The following NUP98 variants were observed in gnomAD, a reference collection of about 807,000 sequenced individuals.
NUP98 encodes nuclear pore complex protein Nup98-Nup96.
A neutral mutation model predicts 191.9 loss-of-function variants in NUP98; 26 were observed. The observed-to-expected ratio is 0.14, with a 90% CI of 0.10 to 0.19. The LOEUF (loss-of-function observed/expected upper bound fraction) is 0.19, where lower values mean the gene tolerates loss of function less well. Among genes scored for constraint, NUP98 ranks in the 10% least tolerant of loss-of-function variants. The pLI, the probability that NUP98 is intolerant of heterozygous loss-of-function variation, is 1.00. For missense variants in NUP98, 1,941 were observed against 2,178.8 expected, an observed-to-expected ratio of 0.89 and a Z score of 2.17; for synonymous variants, 808 against 778.4, an observed-to-expected ratio of 1.04 and a Z score of -0.63.
At chr11:3,710,278 T>C (rs1223062379) in intron 20 of NUP98, among the ~76,000 whole-genome samples, 1 of 152,188 alleles carries the variant, frequency 6.6e-6, no homozygotes, top group African/African-American at 2.4e-5. Context: ...ACTACCTTAA[T>C]TCATCTCTGT....
chr11:3,685,974 C>G lies in NUP98; in HGVS notation c.4675G>C (p.Gly1559Arg), dbSNP rs765934118. 4 of 1,613,380 alleles carry G rather than the reference C, an allele frequency of 2.5e-6. No individual in the cohort carries two copies. The African/African-American group carries it at 5.3e-5, about 22-fold the overall frequency. Residue 1559 changes from glycine to arginine, a missense_variant and splice_region_variant, in exon 29 of 33, where the codon GGC (glycine) becomes CGC (arginine). Physicochemically the swap from Gly to Arg is moderately radical, Grantham distance 125 (BLOSUM62 -2). Around this residue, in one of 6 missense-constraint regions of NUP98, gnomAD observed 1,030 missense variants for 1,115.8 expected, o/e 0.92. Transcript: ENST00000324932. Reference protein sequence around the residue: ...IFVLLHIDNSGIREKAVRELL... With the variant: ...IFVLLHIDNSRIREKAVRELL... The stretch of plus-strand genomic sequence containing the variant: ...TGGGTTCAACGGCTTCTCACTCACC[C>G]TGAGTTGTCAATGTGCAGGAGGACA...
chr11:3,788,838 T>A (rs2082235143), intron 1 of NUP98, among the ~76,000 whole-genome samples: 1 of 151,898 alleles, frequency 6.6e-6, no homozygotes, highest in Non-Finnish European at 1.5e-5. Context: ...TCCCAGCTAT[T>A]CGGGAGGCTG....
At chr11:3,750,088 T>C (rs1473322599) in intron 11 of NUP98, among the ~76,000 whole-genome samples, 5 of 152,216 alleles carry the variant, frequency 3.3e-5, no homozygotes, top group South Asian at 2.1e-4. Context: ...TGTTAAATAA[T>C]GGTATATGTA....
At chr11:3,687,582 G>C (rs544589549) in intron 28 of NUP98, among the ~76,000 whole-genome samples, 3 of 152,292 alleles carry the variant, frequency 2.0e-5, no homozygotes, top group Admixed American at 1.3e-4. Context: ...AATGAGGCCA[G>C]AAGGTGGTTC....
chr11:3,744,474 A>T (rs2080412689), intron 12 of NUP98, 35 bp downstream of exon 12: 2 of 1,570,536 alleles, frequency 1.3e-6, no homozygotes, highest in African/African-American at 1.4e-5. Context: ...TTAGCAAAAA[A>T]TTAAGAAAAG....
At chr11:3,760,935 A>G (rs557374582) in intron 9 of NUP98, among the ~76,000 whole-genome samples, 30 of 152,358 alleles carry the variant, frequency 2.0e-4, no homozygotes, top group African/African-American at 6.7e-4. Context: ...AGGCCATCAA[A>G]TATCTTTTTA....
chr11:3,676,567 C>T lies in NUP98; in HGVS notation c.5127G>A (p.Leu1709=), dbSNP rs751934334. ...LEQLHIKVTS[L]CSRIEQIQCY... is the part of the protein sequence containing the mutation. Reference sequence around the variant, plus strand: ...ACTGAATCTGCTCTATCCGACTGCACAGTGAAGTCACTTTGATGTGTAACT... The same window carrying T: ...ACTGAATCTGCTCTATCCGACTGCATAGTGAAGTCACTTTGATGTGTAACT... The change falls in exon 32 of 33, where the codon CTG becomes CTA. Residue 1709 remains leucine (L), a synonymous_variant. Coordinates refer to ENST00000324932, the MANE Select transcript of NUP98 (RefSeq NM_016320.5). 29 of 1,614,080 alleles carry T rather than the reference C, an allele frequency of 1.8e-5. No individual in the cohort carries two copies. The East Asian group carries it at 5.3e-4, about 30-fold the overall frequency.
rs112420830 is a variant in NUP98 at position 3,753,190 on chromosome 11, G to A, written c.1267+126C>T. ...TAACTGCTGGGAATGTCTTATAAAC[G>A]CAACTGGAAAAACGAAAAGGTAGAC... On this transcript the variant is annotated intron_variant, in intron 11 of 32. Coordinates refer to ENST00000324932, the MANE Select transcript of NUP98 (RefSeq NM_016320.5). 1.2e-4 allele frequency: 93 copies of A among 771,878 alleles called. 2 individuals carry two copies. The highest frequency in any genetic ancestry group is 8.6e-4 in the African/African-American group (49 of 57,008). The allele number at this position is 771,878 out of a possible 1,614,324, so 47.8% of individuals were successfully genotyped here. A position where few individuals can be genotyped will look rare whatever the true frequency, so the allele number is the denominator to read the frequency against.
intron 6 of NUP98, among the ~76,000 whole-genome samples, chr11:3,773,359 C>A (rs1305563763): frequency 2.0e-5 from 3 of 150,906 alleles, no homozygotes; most frequent in Non-Finnish European, 4.4e-5. Flanking sequence ...TGTGTCACTG[C>A]ATTCCAGCCT....
At chr11:3,684,362 G>A (rs557312526) in intron 29 of NUP98, among the ~76,000 whole-genome samples, 48 of 152,150 alleles carry the variant, frequency 3.2e-4, no homozygotes, top group Non-Finnish European at 6.6e-4. Flanking sequence ...GACAGATCAC[G>A]AGGTCAAGTC....
In NUP98 at chr11:3,687,098, T is replaced by A. The variant is rs151149864; in HGVS notation, c.4455-904A>T. ...ATGCATGCCACCATGCCCACCCAAT[T>A]TAAGAAATTTATTTTTGTAGAGATG... On this transcript the variant is annotated intron_variant, in intron 28 of 32. Transcript: ENST00000324932. Among the ~76,000 whole-genome samples the A allele has an allele frequency of 3.8e-3, 571 of 152,202 alleles. 7 individuals carry two copies. Among genetic ancestry groups the A allele is most frequent in the African/African-American group, 0.013 (528 of 41,514 alleles).
intron 1 of NUP98, among the ~76,000 whole-genome samples, chr11:3,785,050 A>G (rs2082097025): frequency 1.3e-5 from 2 of 151,980 alleles, no homozygotes; most frequent in South Asian, 4.2e-4. Flanking sequence ...AGACAGGAGA[A>G]TTGCTTGAAC....
At chr11:3,791,529 G>A (rs1182070476) in intron 1 of NUP98, among the ~76,000 whole-genome samples, 4 of 79,950 alleles carry the variant, frequency 5.0e-5, no homozygotes, top group African/African-American at 1.2e-4. Flanking sequence ...CCGAGACCTC[G>A]TCTCAAAAAA....
intron 15 of NUP98, among the ~76,000 whole-genome samples, 200 bp from the exon 16 acceptor site, chr11:3,723,655 C>T (rs751923876): frequency 2.0e-5 from 3 of 151,212 alleles, no homozygotes; most frequent in Non-Finnish European, 4.4e-5. Flanking sequence ...TATATGGAAT[C>T]AAATAATTGG....
intron 8 of NUP98, among the ~76,000 whole-genome samples, chr11:3,765,284 T>C (rs559115852): frequency 6.6e-6 from 1 of 152,316 alleles, no homozygotes; most frequent in South Asian, 2.1e-4. Context: ...GCACCACAGC[T>C]TCTAACTCAT....
chr11:3,712,041 C>T (rs1375845577), intron 20 of NUP98: 3 of 1,048,904 alleles, frequency 2.9e-6, no homozygotes, highest in Non-Finnish European at 3.5e-6. Flanking sequence ...AATTCATTTA[C>T]ATTCCCAAAC....
intron 23 of NUP98, among the ~76,000 whole-genome samples, chr11:3,701,735 G>C (rs1389701015): frequency 6.7e-6 from 1 of 150,284 alleles, no homozygotes; most frequent in Non-Finnish European, 1.5e-5. Context: ...GCCCAGGCTA[G>C]AGTGCAATGG....
At chr11:3,791,867 AC>A (rs1021207058) in intron 1 of NUP98, among the ~76,000 whole-genome samples, 1 of 150,616 alleles carries the variant, frequency 6.6e-6, no homozygotes, top group African/African-American at 2.4e-5. Context: ...AAATTTTGAT[AC>A]AAAAATTACA....
chr11:3,788,396 A>T (rs2082213886), intron 1 of NUP98, among the ~76,000 whole-genome samples: 2 of 152,074 alleles, frequency 1.3e-5, no homozygotes, highest in Non-Finnish European at 2.9e-5. Context: ...TGAGCTCAGG[A>T]GTTCGAGCCC....
Sources: allele counts gnomAD v4.1 joint callset (sites outside exome capture counted in the v4.1 genomes callset), GRCh38; gene constraint gnomAD v4.1.1; regional missense constraint gnomAD v4.1.1; transcripts MANE v1.5; gene names NCBI Gene and HGNC (gene_info 2026-07-23, HGNC 2026-07-21).